CACNA1E: variants seen among roughly 807,000 people sequenced by gnomAD.
The protein encoded by CACNA1E is calcium voltage-gated channel subunit alpha1 E, also known as voltage-dependent R-type calcium channel subunit alpha-1E.
A neutral mutation model predicts 259.2 loss-of-function variants in CACNA1E; 40 were observed. The observed-to-expected ratio is 0.15, with a 90% CI of 0.12 to 0.20. The LOEUF (loss-of-function observed/expected upper bound fraction) is 0.20, where lower values mean the gene tolerates loss of function less well. CACNA1E is among the 10% of genes least tolerant of loss of function. The pLI is 1.00. For missense variants in CACNA1E, 1,874 were observed against 3,040.1 expected (o/e 0.62, Z 9.02); for synonymous variants, 1,104 against 1,138.5 (o/e 0.97, Z 0.61).
chr1:181,689,348 A>C (rs149135825), intron 7 of CACNA1E, among the ~76,000 whole-genome samples: 1 of 152,322 alleles, frequency 6.6e-6, no homozygotes, highest in African/African-American at 2.4e-5. Flanking sequence ...TCCACGATGT[A>C]TATGTGCCAC....
chr1:181,354,454 A>G (rs1251857963), intron 1 of CACNA1E, among the ~76,000 whole-genome samples: 1 of 152,226 alleles, frequency 6.6e-6, no homozygotes, highest in African/African-American at 2.4e-5. Flanking sequence ...TGAACACCTG[A>G]AGAAATGAGT....
At chr1:181,708,408 C>T (rs1452990622) in intron 7 of CACNA1E, among the ~76,000 whole-genome samples, 1 of 152,142 alleles carries the variant, frequency 6.6e-6, no homozygotes, top group Non-Finnish European at 1.5e-5. Context: ...ACTTAAGTCA[C>T]TTTAGATTCA....
chr1:181,621,184 G>T (rs1488739041), intron 6 of CACNA1E, among the ~76,000 whole-genome samples: 1 of 152,226 alleles, frequency 6.6e-6, no homozygotes, highest in Non-Finnish European at 1.5e-5. Context: ...TCAATGTGAG[G>T]CCTTGAATGT....
chr1:181,585,760 A>T (rs1651997147), intron 6 of CACNA1E, among the ~76,000 whole-genome samples: 1 of 152,114 alleles, frequency 6.6e-6, no homozygotes, highest in African/African-American at 2.4e-5. Flanking sequence ...AGATCCTGAG[A>T]TGGGGACGGG....
chr1:181,547,021 G>A (rs1647549436), intron 3 of CACNA1E, among the ~76,000 whole-genome samples: 1 of 152,160 alleles, frequency 6.6e-6, no homozygotes, highest in Admixed American at 6.5e-5. Context: ...AAGCCTCACT[G>A]GTTGGCTTCT....
chr1:181,517,394 G>A (rs576002449), intron 3 of CACNA1E, among the ~76,000 whole-genome samples: 2 of 152,236 alleles, frequency 1.3e-5, no homozygotes, highest in East Asian at 1.9e-4. Flanking sequence ...TGAGTAGTCT[G>A]TACTTTAACC....
Position 181,800,707 on chromosome 1 carries a change from A to G in CACNA1E, c.*1873A>G, listed in dbSNP as rs1179244142. On this transcript the variant is annotated 3_prime_UTR_variant, in exon 48 of 48. Transcript: ENST00000367573. ...GCAATCCAGAGTTGTTATTTTTCTTAGAAGGAGCCTCTTTTCCCTCTATTT... is the reference window on the plus strand; with the variant it reads ...GCAATCCAGAGTTGTTATTTTTCTTGGAAGGAGCCTCTTTTCCCTCTATTT... The G allele has an allele frequency of 2.6e-5, 4 of 152,644 alleles. No individual in the cohort carries two copies. 9.5% of individuals were successfully genotyped at this position (152,644 alleles called of 1,614,324 possible).
At chr1:181,671,773 A>T (rs6662832) in intron 7 of CACNA1E, among the ~76,000 whole-genome samples, 20,820 of 152,276 alleles carry the variant, frequency 0.14, 2,745 homozygotes, top group African/African-American at 0.35. Flanking sequence ...AGGACCTTGA[A>T]TGCATAATTA....
intron 6 of CACNA1E, among the ~76,000 whole-genome samples, chr1:181,609,745 C>G (rs1315610569): frequency 6.6e-6 from 1 of 152,186 alleles, no homozygotes; most frequent in African/African-American, 2.4e-5. Context: ...GTTGTGTGAG[C>G]TAGAACTCTA....
chr1:181,589,137 T>C (rs1652381780), intron 6 of CACNA1E, among the ~76,000 whole-genome samples: 2 of 152,214 alleles, frequency 1.3e-5, no homozygotes, highest in African/African-American at 2.4e-5. Context: ...CCAGCATCTC[T>C]AGAGGTAGGA....
At chr1:181,785,869 C>A in intron 43 of CACNA1E, 50 bp downstream of exon 43, 1 of 1,261,440 alleles carries the variant, frequency 7.9e-7, no homozygotes, top group Non-Finnish European at 1.1e-6. Flanking sequence ...ATCTGTCACC[C>A]ATGCTGTTGT....
chr1:181,408,904 A>G (rs901178496), intron 1 of CACNA1E, among the ~76,000 whole-genome samples: 1 of 152,144 alleles, frequency 6.6e-6, no homozygotes, highest in African/African-American at 2.4e-5. Flanking sequence ...TGTGAGCTAT[A>G]GGACAGCAAC....
intron 1 of CACNA1E, among the ~76,000 whole-genome samples, chr1:181,404,124 GATTAGTCTA>G (rs1458679266): frequency 6.6e-6 from 1 of 152,192 alleles, no homozygotes; most frequent in East Asian, 1.9e-4. Flanking sequence ...ACCTTGACTG[GATTAGTCTA>G]ATTAGAACCT....
At chr1:181,353,761 G>C (rs535850977) in intron 1 of CACNA1E, among the ~76,000 whole-genome samples, 1 of 152,188 alleles carries the variant, frequency 6.6e-6, no homozygotes, top group Middle Eastern at 3.2e-3. Flanking sequence ...CAAGGGATGA[G>C]TGGGAACATA....
At chr1:181,586,099 G>T (rs981432819) in intron 6 of CACNA1E, among the ~76,000 whole-genome samples, 1 of 152,198 alleles carries the variant, frequency 6.6e-6, no homozygotes, top group African/African-American at 2.4e-5. Flanking sequence ...GAGGTGAAAA[G>T]TGGTTGGATT....
intron 1 of CACNA1E, among the ~76,000 whole-genome samples, chr1:181,502,641 T>C (rs945808857): frequency 2.0e-4 from 30 of 152,230 alleles, no homozygotes; most frequent in Admixed American, 2.0e-3. Context: ...ATGTGAAACA[T>C]CCCTCCAGGA....
chr1:181,491,492 T>C (rs547598612), intron 1 of CACNA1E, among the ~76,000 whole-genome samples: 1 of 152,346 alleles, frequency 6.6e-6, no homozygotes, highest in South Asian at 2.1e-4. Context: ...TTGCTGTACA[T>C]GGTTTTGTTA....
At chr1:181,562,720 T>TCTGCCTCTGTTAGCA (rs1649444807) in intron 3 of CACNA1E, among the ~76,000 whole-genome samples, 1 of 152,184 alleles carries the variant, frequency 6.6e-6, no homozygotes, top group Non-Finnish European at 1.5e-5. Context: ...GGCAGACATC[T>TCTGCCTCTGTTAGCA]CTCTGTTGTT....
intron 2 of CACNA1E, among the ~76,000 whole-genome samples, chr1:181,455,407 G>A (rs897962735): frequency 3.9e-5 from 6 of 152,196 alleles, no homozygotes; most frequent in African/African-American, 1.4e-4. Flanking sequence ...GCTTCCTCTT[G>A]AGAGGATAAC....
Sources: gnomAD v4.1 joint callset for allele counts (sites outside exome capture counted in the v4.1 genomes callset) on GRCh38, gnomAD v4.1.1 for gene constraint, MANE v1.5 for transcripts, NCBI Gene and HGNC (gene_info 2026-07-23, HGNC 2026-07-21) for gene names.